The following HMX1 variants were observed in gnomAD, a reference collection of about 807,000 sequenced individuals.
The protein encoded by HMX1 is homeobox protein HMX1.
A neutral mutation model predicts 8.9 loss-of-function variants in HMX1; 8 were observed. The ratio of observed to expected loss-of-function variants is 0.90; its 90% confidence interval spans 0.53 to 1.63. The LOEUF (loss-of-function observed/expected upper bound fraction) is 1.63, where lower values mean the gene tolerates loss of function less well. Ranked by LOEUF, HMX1 falls within the 40% of genes most tolerant of loss-of-function variation. HMX1 has a pLI of 0.00. For synonymous variants in HMX1, 311 were observed against 283.4 expected, an observed-to-expected ratio of 1.10 and a Z score of -0.98; for missense variants, 621 against 558.5, an observed-to-expected ratio of 1.11 and a Z score of -1.13.
chr4:8,864,185 A>C (rs958653352), downstream of HMX1, among the ~76,000 whole-genome samples: 1 of 152,220 alleles, frequency 6.6e-6, no homozygotes. Flanking sequence ...GAGGCCCAGC[A>C]TTTACAAATT....
At chr4:8,852,321 C>T (rs1046822577) in intron 1 of HMX1, among the ~76,000 whole-genome samples, 1 of 152,242 alleles carries the variant, frequency 6.6e-6, no homozygotes, top group African/African-American at 2.4e-5. Flanking sequence ...GCCCTCACGC[C>T]CTGCATCTGC....
At chr4:8,862,313 C>T (rs974472773), downstream of HMX1, among the ~76,000 whole-genome samples, 1 of 152,228 alleles carries the variant, frequency 6.6e-6, no homozygotes, top group African/African-American at 2.4e-5. Flanking sequence ...CCAAAACAGC[C>T]CCAGGCAGAG....
Position 8,871,372 on chromosome 4 carries a change from C to T in HMX1, c.243G>A (p.Ala81=). Residue 81 remains alanine, a synonymous_variant, in exon 1 of 2, where the codon GCG becomes GCA. Transcript: ENST00000400677. This position sits in a 1 kb window ranked among gnomAD's most constrained non-coding sequence, Gnocchi z 4.8. ...LLAGTGPGGE[A]RARALLGPGA... Reference sequence around the variant, plus strand: ...CCGGCCCGAGCAGCGCACGGGCCCGCGCCTCCCCGCCGGGCCCGGTGCCCG... The same window carrying T: ...CCGGCCCGAGCAGCGCACGGGCCCGTGCCTCCCCGCCGGGCCCGGTGCCCG... 1 of 1,237,796 alleles carries T rather than the reference C, an allele frequency of 8.1e-7. No individual in the cohort carries two copies. The highest frequency in any genetic ancestry group is 2.5e-5 in the South Asian group (1 of 39,288). The allele number at this position is 1,237,796 out of a possible 1,614,324, so 76.7% of individuals were successfully genotyped here. A position where few individuals can be genotyped will look rare whatever the true frequency, so the allele number is the denominator to read the frequency against.
chr4:8,866,645 G>T (rs1416468505), downstream of HMX1, among the ~76,000 whole-genome samples: 1 of 152,234 alleles, frequency 6.6e-6, no homozygotes, highest in African/African-American at 2.4e-5. Context: ...GAGTGCCACG[G>T]CTTTGTTTTG....
At chr4:8,857,798 C>A (rs1039786361) in intron 1 of HMX1, among the ~76,000 whole-genome samples, 11 of 152,112 alleles carry the variant, frequency 7.2e-5, no homozygotes, top group African/African-American at 1.7e-4. Context: ...CTGCCGCAGC[C>A]CCTCCCTCCT....
In HMX1 at chr4:8,847,540, G is replaced by A. The variant is rs1038448656; in HGVS notation, c.395-1216C>T. 1.3e-5 allele frequency among the ~76,000 whole-genome samples: 2 copies of A among 152,198 alleles called. No homozygotes were observed. The highest frequency in any genetic ancestry group is 2.4e-5 in the African/African-American group (1 of 41,468). On this transcript the variant is annotated intron_variant, in intron 1 of 1. Transcript: ENST00000506970. The surrounding 1 kb of genome is among the most constrained non-coding windows in gnomAD (Gnocchi z 6.0). ...CACAACTCCTGTCCCGAGAGCAGGCGGACCTGAAGGAACATCGGCCAGACA... is the reference window on the plus strand; with the variant it reads ...CACAACTCCTGTCCCGAGAGCAGGCAGACCTGAAGGAACATCGGCCAGACA...
At chr4:8,860,182 G>A (rs1191531946) in intron 1 of HMX1, among the ~76,000 whole-genome samples, 1 of 152,236 alleles carries the variant, frequency 6.6e-6, no homozygotes, top group African/African-American at 2.4e-5. Context: ...CCCAGTGAGA[G>A]CATGACTGCG....
At chr4:8,860,826 G>C (rs1157238875) in intron 1 of HMX1, 1 of 152,472 alleles carries the variant, frequency 6.6e-6, no homozygotes, top group Non-Finnish European at 1.5e-5. Flanking sequence ...CGGCTCCACT[G>C]TGCAGACCCC....
In HMX1 at chr4:8,848,470, A is replaced by G. The variant is rs775215329; in HGVS notation, c.395-2146T>C. 6.6e-6 allele frequency among the ~76,000 whole-genome samples: 1 copy of G among 152,226 alleles called. No individual in the cohort carries two copies. Among genetic ancestry groups the G allele is most frequent in the Non-Finnish European group, 1.5e-5 (1 of 68,046 alleles). Reference sequence around the variant, plus strand: ...TTTTATGATTGTTTTTTACTCATCTAGGCAGAGTACTTGGAATGCCCTAGT... The same window carrying G: ...TTTTATGATTGTTTTTTACTCATCTGGGCAGAGTACTTGGAATGCCCTAGT... On this transcript the variant is annotated intron_variant, in intron 1 of 1. Transcript: ENST00000506970. This position sits in a 1 kb window ranked among gnomAD's most constrained non-coding sequence, Gnocchi z 4.1.
rs562983596 is a variant in HMX1, at chr4:8,868,759, C to A, written c.395-414G>T. 5.3e-5 allele frequency among the ~76,000 whole-genome samples: 8 copies of A among 152,266 alleles called. No individual in the cohort carries two copies. The South Asian group carries it at 1.7e-3, about 32-fold the overall frequency. On this transcript the variant is annotated intron_variant, in intron 1 of 1. Coordinates refer to ENST00000400677, the MANE Select transcript of HMX1 (RefSeq NM_018942.3). This position sits in a 1 kb window ranked among gnomAD's most constrained non-coding sequence, Gnocchi z 4.6. ...CAAACCTCCCGCAGAAGTCCCGGGA[C>A]AAGAGGAAAGATGTCCTTCCGAGAA... is the stretch of plus-strand genomic sequence containing the variant.
chr4:8,855,587 G>A (rs913027371), intron 1 of HMX1, among the ~76,000 whole-genome samples: 7 of 152,216 alleles, frequency 4.6e-5, no homozygotes, highest in Admixed American at 4.6e-4. Context: ...CAGAGGTCCA[G>A]AAGGTTCTCT....
Position 8,868,890 on chromosome 4 carries a change from G to A in HMX1, c.395-545C>T, listed in dbSNP as rs193113560. On this transcript the variant is annotated intron_variant, in intron 1 of 1. Transcript: ENST00000400677. This position sits in a 1 kb window ranked among gnomAD's most constrained non-coding sequence, Gnocchi z 4.6. ...ATGAAGAGTTCACAGGCCTCTTCCC[G>A]CGCCCTCTGCCCGCTTGCACAGAAA... Among the ~76,000 whole-genome samples, 7 of 152,198 alleles carry A rather than the reference G, an allele frequency of 4.6e-5. No individual in the cohort carries two copies. Among genetic ancestry groups the A allele is most frequent in the African/African-American group, 1.4e-4 (6 of 41,520 alleles).
downstream of HMX1, among the ~76,000 whole-genome samples, chr4:8,864,931 A>C (rs1000835542): frequency 2.0e-5 from 3 of 152,264 alleles, no homozygotes; most frequent in South Asian, 4.1e-4. Context: ...ACTCTCTCCA[A>C]ATCTACCCTG....
chr4:8,860,027 A>T (rs1560174809), intron 1 of HMX1, among the ~76,000 whole-genome samples: 1 of 152,220 alleles, frequency 6.6e-6, no homozygotes, highest in Non-Finnish European at 1.5e-5. Flanking sequence ...CAGAGCCCCG[A>T]CGGGGCCAAC....
downstream of HMX1, among the ~76,000 whole-genome samples, chr4:8,864,766 T>C (rs1479062862): frequency 6.6e-6 from 1 of 152,178 alleles, no homozygotes. Context: ...TTTTCTCTCT[T>C]AACAGTGTTC....
At chr4:8,858,220 G>A (rs896420873) in intron 1 of HMX1, among the ~76,000 whole-genome samples, 5 of 152,174 alleles carry the variant, frequency 3.3e-5, no homozygotes, top group Non-Finnish European at 1.5e-5. Flanking sequence ...TGACGCTGCG[G>A]TTACGCGCGC....
At position 8,855,467 on chromosome 4, in the gene HMX1, A is replaced by C. The variant is rs146337120; in HGVS notation, c.395-9143T>G. On this transcript the variant is annotated intron_variant, in intron 1 of 1. Transcript: ENST00000506970. Reference sequence around the variant, plus strand: ...AGGGAGGCAACGATGGGTGGACCTGAGACTGCTGGGGGCCAGGCGGGAGGT... The same window carrying C: ...AGGGAGGCAACGATGGGTGGACCTGCGACTGCTGGGGGCCAGGCGGGAGGT... Among the ~76,000 whole-genome samples, 595 of 152,262 alleles carry C rather than the reference A, an allele frequency of 3.9e-3. 2 individuals carry two copies. Among genetic ancestry groups the C allele is most frequent in the Non-Finnish European group, 7.0e-3 (473 of 68,014 alleles).
intron 1 of HMX1, among the ~76,000 whole-genome samples, chr4:8,851,066 T>C (rs1721434324): frequency 6.6e-6 from 1 of 152,256 alleles, no homozygotes; most frequent in South Asian, 2.1e-4. Flanking sequence ...GGCATTCCCA[T>C]TTGCAAACAC....
rs1722076322 is a variant in HMX1, at chr4:8,868,047, G to GGCGCTGCTCC, written c.692_693insGGAGCAGCGC (p.Arg233GlnfsTer19). The GGCGCTGCTCC allele has an allele frequency of 6.5e-7, 1 of 1,535,598 alleles. No homozygotes were observed. Among genetic ancestry groups the GGCGCTGCTCC allele is most frequent in the Non-Finnish European group, 8.7e-7 (1 of 1,143,326 alleles). On this transcript the variant is annotated frameshift_variant, in exon 2 of 2. Transcript: ENST00000400677. LOFTEE classifies it low-confidence loss of function (END_TRUNC). This position sits in a 1 kb window ranked among gnomAD's most constrained non-coding sequence, Gnocchi z 4.6. The stretch of plus-strand genomic sequence containing the variant: ...GGGAGGCGGCCAGGCCGGCGCGCTC[G>GGCGCTGCTCC]GCGCTGCTCAGGTAGCGCTTCAGGT...
Sources: gnomAD v4.1 joint callset for allele counts (sites outside exome capture counted in the v4.1 genomes callset) on GRCh38, gnomAD v4.1.1 for gene constraint, Gnocchi (gnomAD v3.1) non-coding constraint, MANE v1.5 for transcripts, NCBI Gene and HGNC (gene_info 2026-07-23, HGNC 2026-07-21) for gene names.